TRIO: variants seen among roughly 807,000 people sequenced by gnomAD.
The protein encoded by TRIO is trio Rho guanine nucleotide exchange factor.
A neutral mutation model predicts 351.9 loss-of-function variants in TRIO; 58 were observed. The observed-to-expected ratio is 0.16, with a 90% CI of 0.13 to 0.21. The LOEUF is 0.21. TRIO is among the 10% of genes least tolerant of loss of function. The probability of loss-of-function intolerance (pLI) is 1.00; values close to 1 mark genes in which losing one functional copy is unlikely to be tolerated. For missense variants in TRIO, 3,201 were observed against 4,027.8 expected (o/e 0.79, Z 5.56); for synonymous variants, 1,758 against 1,595.7 (o/e 1.10, Z -2.42).
intron 34 of TRIO, among the ~76,000 whole-genome samples, chr5:14,423,374 T>TGACCAATGTGACCATTTAC (rs1750344621): frequency 6.6e-6 from 1 of 152,250 alleles, no homozygotes; most frequent in Admixed American, 6.5e-5. Context: ...GTCACCATTG[T>TGACCAATGTGACCATTTAC]TGATGGCTCA....
At chr5:14,506,061 C>T (rs1460157479) in intron 55 of TRIO, among the ~76,000 whole-genome samples, 2 of 152,188 alleles carry the variant, frequency 1.3e-5, no homozygotes, top group Non-Finnish European at 2.9e-5. Context: ...GACATCCAAG[C>T]CGAGGCCTGG....
intron 34 of TRIO, among the ~76,000 whole-genome samples, chr5:14,421,721 T>C (rs114710066): frequency 0.013 from 1,965 of 151,726 alleles, 20 homozygotes; most frequent in Non-Finnish European, 0.021. Flanking sequence ...ACCACAAGGA[T>C]AGGAAGCGGT....
intron 19 of TRIO, among the ~76,000 whole-genome samples, chr5:14,375,684 A>C (rs1366351662): frequency 1.3e-5 from 2 of 152,100 alleles, no homozygotes; most frequent in Non-Finnish European, 2.9e-5. Flanking sequence ...GAGGACCCCC[A>C]GGAGCTTGAG....
At chr5:14,304,760 G>A (rs1561315827) in intron 8 of TRIO, among the ~76,000 whole-genome samples, 168 bp downstream of exon 8, 1 of 152,302 alleles carries the variant, frequency 6.6e-6, no homozygotes, top group East Asian at 1.9e-4. Context: ...TGTGGGGAGT[G>A]GGGTGGGGCA....
chr5:14,351,763 G>A (rs1017548825), intron 11 of TRIO, among the ~76,000 whole-genome samples: 1 of 152,162 alleles, frequency 6.6e-6, no homozygotes, highest in African/African-American at 2.4e-5. Context: ...ACCTCCAGAC[G>A]GACACCGATT....
At chr5:14,366,806 C>T (rs1260446218) in intron 15 of TRIO, 54 bp from the exon 16 acceptor site, 2 of 1,610,264 alleles carry the variant, frequency 1.2e-6, no homozygotes, top group South Asian at 1.1e-5. Context: ...CCTGGTGGTC[C>T]ACAGGATTCT....
Position 14,189,822 on chromosome 5 carries a change from C to G in TRIO, c.157+45940C>G, listed in dbSNP as rs1790351606. On this transcript the variant is annotated intron_variant, in intron 1 of 56. Coordinates refer to ENST00000344204, the MANE Select transcript of TRIO (RefSeq NM_007118.4). ...CGTAACTTACTGCAGCCTTTGCATCCTGGGCTCAACCTGTCTCAGCCTCCC... is the reference window on the plus strand; with the variant it reads ...CGTAACTTACTGCAGCCTTTGCATCGTGGGCTCAACCTGTCTCAGCCTCCC... Among the ~76,000 whole-genome samples, 8 of 151,950 alleles carry G rather than the reference C, an allele frequency of 5.3e-5. No homozygotes were observed. In the South Asian group the frequency reaches 1.7e-3, roughly 32 times the overall value.
At chr5:14,323,759 A>C (rs1001880866) in intron 9 of TRIO, among the ~76,000 whole-genome samples, 5 of 152,256 alleles carry the variant, frequency 3.3e-5, no homozygotes, top group African/African-American at 1.2e-4. Flanking sequence ...CTAGGAAAGA[A>C]AGTGTGAGCT....
At chr5:14,414,531 C>T (rs1420444761) in intron 33 of TRIO, among the ~76,000 whole-genome samples, 1 of 152,178 alleles carries the variant, frequency 6.6e-6, no homozygotes. Context: ...CAAACACTGT[C>T]CTCACTCCTT....
chr5:14,172,291 A>G (rs1789145478), intron 1 of TRIO, among the ~76,000 whole-genome samples: 1 of 152,244 alleles, frequency 6.6e-6, no homozygotes, highest in Non-Finnish European at 1.5e-5. Flanking sequence ...CCTGAGAAGC[A>G]GGAAGTGCAG....
Position 14,358,201 on chromosome 5 carries a change from G to T in TRIO, c.2070G>T (p.Leu690=). ...AGCTGTGGACGTGGCTGGAGGAGCT[G>T]CAGAAGGAGCTGCTGGACGACGTGT... ...VKELWTWLEE[L]QKELLDDVYA... is the part of the protein sequence containing the mutation. Residue 690 remains leucine (L), a synonymous_variant, in exon 12 of 57, where the codon CTG becomes CTT. Transcript: ENST00000344204. 1 of 1,613,494 alleles carries T rather than the reference G, an allele frequency of 6.2e-7. No homozygotes were observed. The highest frequency in any genetic ancestry group is 8.5e-7 in the Non-Finnish European group (1 of 1,179,526).
At chr5:14,235,726 T>G (rs958259742) in intron 1 of TRIO, among the ~76,000 whole-genome samples, 3 of 152,164 alleles carry the variant, frequency 2.0e-5, no homozygotes, top group African/African-American at 7.2e-5. Flanking sequence ...CAAGCATGCA[T>G]TTGGGAAACA....
At chr5:14,399,687 G>C (rs1747905361) in intron 30 of TRIO, among the ~76,000 whole-genome samples, 1 of 152,192 alleles carries the variant, frequency 6.6e-6, no homozygotes, top group African/African-American at 2.4e-5. Context: ...TTCTTGGCAA[G>C]AGCAACATAC....
chr5:14,300,677 G>A (rs1737796647), intron 7 of TRIO, among the ~76,000 whole-genome samples: 1 of 152,176 alleles, frequency 6.6e-6, no homozygotes, highest in Non-Finnish European at 1.5e-5. Context: ...TCAGCCTGGT[G>A]GAGCAGATGG....
rs1737422910 is a variant in TRIO at position 14,297,059 on chromosome 5, G to A, written c.1177-13G>A. 6.2e-7 allele frequency: 1 copy of A among 1,602,446 alleles called. No homozygotes were observed. The highest frequency in any genetic ancestry group is 1.3e-5 in the African/African-American group (1 of 74,710). On this transcript the variant is annotated splice_polypyrimidine_tract_variant and intron_variant, in intron 6 of 56. Transcript: ENST00000344204. Reference sequence around the variant, plus strand: ...CTCCCCTAAGGAGCCCTCTTTTCCTGCCCACTTTCCAGAACGTGTATGTAA... The same window carrying A: ...CTCCCCTAAGGAGCCCTCTTTTCCTACCCACTTTCCAGAACGTGTATGTAA...
At chr5:14,366,744 G>A (rs776999074) in intron 15 of TRIO, 116 bp from the exon 16 acceptor site, 51 of 1,477,404 alleles carry the variant, frequency 3.5e-5, no homozygotes, top group Non-Finnish European at 4.5e-5. Flanking sequence ...AGGCATCAGT[G>A]CCTCGTACCT....
chr5:14,223,233 A>G (rs1792762797), intron 1 of TRIO, among the ~76,000 whole-genome samples: 1 of 152,224 alleles, frequency 6.6e-6, no homozygotes, highest in Non-Finnish European at 1.5e-5. Flanking sequence ...TTTTGGAAAA[A>G]TAGTATTTCC....
At chr5:14,427,362 C>T (rs1750734292) in intron 34 of TRIO, among the ~76,000 whole-genome samples, 1 of 152,146 alleles carries the variant, frequency 6.6e-6, no homozygotes, top group Non-Finnish European at 1.5e-5. Context: ...ATGAGACATT[C>T]ACAGAGTTTG....
intron 7 of TRIO, among the ~76,000 whole-genome samples, chr5:14,298,926 C>T (rs1014594822): frequency 2.0e-5 from 3 of 152,156 alleles, no homozygotes; most frequent in African/African-American, 7.2e-5. Flanking sequence ...CGATCCTTAT[C>T]GTTGTACAAA....
Sources: gnomAD v4.1 joint callset for allele counts (sites outside exome capture counted in the v4.1 genomes callset) on GRCh38, gnomAD v4.1.1 for gene constraint, MANE v1.5 for transcripts, NCBI Gene and HGNC (gene_info 2026-07-23, HGNC 2026-07-21) for gene names.